PNPLA3: variants seen among roughly 807,000 people sequenced by gnomAD.
PNPLA3 encodes the protein patatin like domain 3, 1-acylglycerol-3-phosphate O-acyltransferase, also known as 1-acylglycerol-3-phosphate O-acyltransferase PNPLA3.
PNPLA3 carries 42 observed loss-of-function variants against 43.1 expected under a neutral mutation model. The observed-to-expected ratio is 0.97, with a 90% CI of 0.76 to 1.26. The LOEUF (loss-of-function observed/expected upper bound fraction) is 1.26, where lower values mean the gene tolerates loss of function less well. Among genes scored for constraint, PNPLA3 ranks in the 50% most tolerant of loss-of-function variants. The probability of loss-of-function intolerance (pLI) is 0.00; values close to 1 mark genes in which losing one functional copy is unlikely to be tolerated. For synonymous variants in PNPLA3, 272 were observed against 253.6 expected, an observed-to-expected ratio of 1.07 and a Z score of -0.69; for missense variants, 647 against 621.4, an observed-to-expected ratio of 1.04 and a Z score of -0.44.
intron 7 of PNPLA3, among the ~76,000 whole-genome samples, chr22:43,942,063 C>T (rs1011236855): frequency 6.6e-6 from 1 of 152,164 alleles, no homozygotes; most frequent in Non-Finnish European, 1.5e-5. Context: ...CAGATTCCTG[C>T]TGAAATGCTT....
chr22:43,936,404 A>C (rs1349125724), intron 5 of PNPLA3, among the ~76,000 whole-genome samples: 1 of 152,086 alleles, frequency 6.6e-6, no homozygotes, highest in Non-Finnish European at 1.5e-5. Context: ...GGTTGTCTGA[A>C]GTCCCCCTCC....
chr22:43,925,845 G>T (rs762976654), intron 1 of PNPLA3, among the ~76,000 whole-genome samples: 6 of 152,216 alleles, frequency 3.9e-5, no homozygotes, highest in Non-Finnish European at 8.8e-5. Context: ...CACTGGGACA[G>T]AATTCAAATG....
chr22:43,927,690 T>G (rs112091571), intron 2 of PNPLA3, among the ~76,000 whole-genome samples: 5 of 152,032 alleles, frequency 3.3e-5, no homozygotes, highest in African/African-American at 1.2e-4. Flanking sequence ...AGAGTCTTGC[T>G]CTGTCTCCCA....
Position 43,924,112 on chromosome 22 carries a change from C to T in PNPLA3, c.187+14C>T, listed in dbSNP as rs759627676. The T allele has an allele frequency of 9.8e-6, 15 of 1,527,492 alleles. No individual in the cohort carries two copies. The Admixed American group carries it at 1.8e-4, about 18-fold the overall frequency. 94.6% of individuals were successfully genotyped at this position (1,527,492 alleles called of 1,614,324 possible). On this transcript the variant is annotated intron_variant, in intron 1 of 8. Coordinates refer to ENST00000216180, the MANE Select transcript of PNPLA3 (RefSeq NM_025225.3). ...GTATCCCGCTGGGTGCGTCTGGGGACGCTGCCCGGGCTCCACGTGCGGAGT... is the reference window on the plus strand; with the variant it reads ...GTATCCCGCTGGGTGCGTCTGGGGATGCTGCCCGGGCTCCACGTGCGGAGT...
chr22:43,946,173 A>T lies in PNPLA3; in HGVS notation c.1237A>T (p.Ser413Cys). The part of the protein sequence containing the change: ...PASRSQMPVS[S>C]QQASPCTPEQ... Reference sequence around the variant, plus strand: ...TTTCAGGTCCCAAATGCCAGTGAGCAGCCAACAGGCCTCCCCATGCACACC... The same window carrying T: ...TTTCAGGTCCCAAATGCCAGTGAGCTGCCAACAGGCCTCCCCATGCACACC... Residue 413 changes from serine to cysteine, a missense_variant, in exon 9 of 9, where the codon AGC (serine) becomes TGC (cysteine). Ser to Cys is a moderately radical substitution (Grantham distance 112). Transcript: ENST00000216180. 1 of 1,613,240 alleles carries T rather than the reference A, an allele frequency of 6.2e-7. No individual in the cohort carries two copies. The highest frequency in any genetic ancestry group is 8.5e-7 in the Non-Finnish European group (1 of 1,179,232).
intron 4 of PNPLA3, 140 bp downstream of exon 4, chr22:43,933,227 T>G: frequency 1.2e-6 from 1 of 804,928 alleles, no homozygotes. Flanking sequence ...TAAAAGGCGC[T>G]TGTCCCAGAA....
rs887430439 is a variant in PNPLA3 at position 43,946,956 on chromosome 22, A to G, written c.*574A>G. On this transcript the variant is annotated 3_prime_UTR_variant, in exon 9 of 9. Coordinates refer to ENST00000216180, the MANE Select transcript of PNPLA3 (RefSeq NM_025225.3). ...TAATTTTAGAACACCTTTTTCACCT[A>G]ACTAAAATAATGTTTAAAGAGTTTT... 1 of 305,570 alleles carries G rather than the reference A, an allele frequency of 3.3e-6. No individual in the cohort carries two copies. Among genetic ancestry groups the G allele is most frequent in the African/African-American group, 2.2e-5 (1 of 45,162 alleles). 18.9% of individuals were successfully genotyped at this position (305,570 alleles called of 1,614,324 possible). A position where few individuals can be genotyped will look rare whatever the true frequency, so the allele number is the denominator to read the frequency against.
At chr22:43,943,489 G>A (rs1024646061) in intron 7 of PNPLA3, among the ~76,000 whole-genome samples, 1 of 152,072 alleles carries the variant, frequency 6.6e-6, no homozygotes, top group African/African-American at 2.4e-5. Flanking sequence ...GTGAACGCTG[G>A]CTCCCCGTGC....
rs908968827 is a variant in PNPLA3 at position 43,926,017 on chromosome 22, C to A, written c.188-918C>A. 6.6e-5 allele frequency among the ~76,000 whole-genome samples: 10 copies of A among 152,244 alleles called. No homozygotes were observed. The East Asian group carries it at 1.3e-3, about 21-fold the overall frequency. On this transcript the variant is annotated intron_variant, in intron 1 of 8. Coordinates refer to ENST00000216180, the MANE Select transcript of PNPLA3 (RefSeq NM_025225.3). ...GATCTGGAGGCGTTGGCAGGAGCCA[C>A]TCCCTGGGTTCCAGGGCTCCAGGTT...
intron 3 of PNPLA3, 88 bp downstream of exon 3, chr22:43,928,977 G>A (rs1166095336): frequency 3.0e-6 from 4 of 1,319,778 alleles, no homozygotes; most frequent in Non-Finnish European, 3.3e-6. Context: ...CTGGTGTCGG[G>A]CACCTCAGGG....
intron 8 of PNPLA3, 47 bp from the exon 9 acceptor site, chr22:43,946,107 G>C (rs752494490): frequency 1.9e-6 from 3 of 1,568,868 alleles, no homozygotes; most frequent in Non-Finnish European, 2.6e-6. Flanking sequence ...ACTGCACACT[G>C]CAGCAGCGGG....
chr22:43,925,088 C>G (rs747327838), intron 1 of PNPLA3, among the ~76,000 whole-genome samples: 21 of 151,766 alleles, frequency 1.4e-4, no homozygotes, highest in Non-Finnish European at 1.2e-4. Flanking sequence ...GTTTCCTCCT[C>G]CTCCTCCTCC....
Position 43,924,032 on chromosome 22 carries a change from C to T in PNPLA3, c.121C>T (p.Arg41Cys). The T allele has an allele frequency of 6.3e-6, 10 of 1,581,270 alleles. No individual in the cohort carries two copies. The highest frequency in any genetic ancestry group is 7.7e-6 in the Non-Finnish European group (9 of 1,172,654). The change falls in exon 1 of 9, where the codon CGC becomes TGC. Residue 41 changes from arginine to cysteine, a missense_variant. Coordinates refer to ENST00000216180, the MANE Select transcript of PNPLA3 (RefSeq NM_025225.3). The stretch of plus-strand genomic sequence containing the variant: ...CGCCCCGCACCTCCTCCGCGACGCG[C>T]GCATGTTGTTCGGCGCTTCGGCCGG... ...EHAPHLLRDA[R>C]MLFGASAGAL...
chr22:43,939,961 G>A (rs1006866942), intron 6 of PNPLA3, 32 bp from the exon 7 acceptor site: 12 of 1,613,916 alleles, frequency 7.4e-6, no homozygotes, highest in Non-Finnish European at 1.0e-5. Context: ...TCACAGTGGT[G>A]GGAGATAATA....
intron 5 of PNPLA3, among the ~76,000 whole-genome samples, chr22:43,936,644 C>A (rs142480614): frequency 1.3e-3 from 194 of 152,328 alleles, no homozygotes; most frequent in African/African-American, 4.4e-3. Context: ...GTCTTTTAAC[C>A]TTGCTGTGCT....
chr22:43,931,629 C>T (rs1267280175), intron 3 of PNPLA3, among the ~76,000 whole-genome samples: 2 of 152,186 alleles, frequency 1.3e-5, no homozygotes, highest in Non-Finnish European at 2.9e-5. Flanking sequence ...GATTCTCCTG[C>T]CTCAGCCTCC....
chr22:43,939,291 AT>A, intron 6 of PNPLA3: 1 of 736,674 alleles, frequency 1.4e-6, no homozygotes, highest in Non-Finnish European at 1.7e-6. Flanking sequence ...ATACAAGATG[AT>A]TCTTTGCCTC....
intron 1 of PNPLA3, chr22:43,924,331 T>G: frequency 1.9e-6 from 1 of 521,024 alleles, no homozygotes; most frequent in South Asian, 3.0e-5. Context: ...AGCCTGGGAC[T>G]CTCGTGCGTC....
chr22:43,935,836 T>C (rs2049992121), intron 5 of PNPLA3, among the ~76,000 whole-genome samples: 1 of 151,956 alleles, frequency 6.6e-6, no homozygotes, highest in South Asian at 2.1e-4. Context: ...TGAGGGCTGC[T>C]GCAGTAGGAG....
Sources: gnomAD v4.1 joint callset for allele counts (sites outside exome capture counted in the v4.1 genomes callset) on GRCh38, gnomAD v4.1.1 for gene constraint, MANE v1.5 for transcripts, NCBI Gene and HGNC (gene_info 2026-07-23, HGNC 2026-07-21) for gene names.